The following HIF3A variants were observed in gnomAD, a reference collection of about 807,000 sequenced individuals.
The protein encoded by HIF3A is hypoxia-inducible factor 3-alpha.
Under a neutral mutation model 67.2 loss-of-function variants are expected in HIF3A, and 41 were observed. The observed-to-expected ratio is 0.61, with a 90% CI of 0.48 to 0.79. HIF3A has a LOEUF of 0.79. Among genes scored for constraint, HIF3A ranks in the 30% least tolerant of loss-of-function variants. The probability of loss-of-function intolerance (pLI) is 0.00; values close to 1 mark genes in which losing one functional copy is unlikely to be tolerated. For synonymous variants in HIF3A, 356 were observed against 374.8 expected (o/e 0.95, Z 0.58); for missense variants, 855 against 898.0 (o/e 0.95, Z 0.61).
chr19:46,331,624 G>A (rs541526381), intron 13 of HIF3A: 22 of 160,534 alleles, frequency 1.4e-4, no homozygotes, highest in Admixed American at 1.3e-3. Context: ...GGGAGGCCGA[G>A]GCAGGTGGAT....
At chr19:46,328,649 C>G (rs977271571) in intron 11 of HIF3A, among the ~76,000 whole-genome samples, 2 of 152,160 alleles carry the variant, frequency 1.3e-5, no homozygotes, top group African/African-American at 2.4e-5. Context: ...TGATATGTTT[C>G]TCACTTCTCT....
intron 9 of HIF3A, among the ~76,000 whole-genome samples, chr19:46,321,303 G>A (rs1240595824): frequency 6.6e-6 from 1 of 152,184 alleles, no homozygotes; most frequent in Non-Finnish European, 1.5e-5. Context: ...TCACACCTGG[G>A]CTGGGAGCAG....
chr19:46,338,108 A>G (rs909519333), intron 14 of HIF3A: 5 of 439,630 alleles, frequency 1.1e-5, no homozygotes, highest in African/African-American at 8.1e-5. Flanking sequence ...TGTCGGTCCC[A>G]TAAGGGCAGG....
Position 46,341,869 on chromosome 19 carries a change from C to G in HIF3A, c.*2247C>G, listed in dbSNP as rs1185706635. The G allele has an allele frequency of 6.6e-6, 1 of 151,972 alleles. No homozygotes were observed. The highest frequency in any genetic ancestry group is 2.4e-5 in the African/African-American group (1 of 41,332). 9.4% of individuals were successfully genotyped at this position (151,972 alleles called of 1,614,324 possible). A position where few individuals can be genotyped will look rare whatever the true frequency, so the allele number is the denominator to read the frequency against. ...AAGTTGGAGGGGCTGGTCTTGAACTCTTGACCTCAGATGATCCACCCGCCT... is the reference window on the plus strand; with the variant it reads ...AAGTTGGAGGGGCTGGTCTTGAACTGTTGACCTCAGATGATCCACCCGCCT... On this transcript the variant is annotated 3_prime_UTR_variant, in exon 15 of 15. Coordinates refer to ENST00000377670, the MANE Select transcript of HIF3A (RefSeq NM_152795.4).
chr19:46,339,149 C>T (rs1160432614), intron 14 of HIF3A, among the ~76,000 whole-genome samples: 1 of 152,130 alleles, frequency 6.6e-6, no homozygotes, highest in Admixed American at 6.6e-5. Context: ...CTTTCTAACT[C>T]ATCACAGACA....
intron 9 of HIF3A, among the ~76,000 whole-genome samples, chr19:46,320,877 C>G (rs1228732203): frequency 6.6e-6 from 1 of 152,178 alleles, no homozygotes; most frequent in Non-Finnish European, 1.5e-5. Context: ...TCCACATTGC[C>G]CCCACGCTTC....
intron 12 of HIF3A, among the ~76,000 whole-genome samples, chr19:46,330,298 T>C (rs1240785509): frequency 2.0e-5 from 3 of 152,012 alleles, no homozygotes; most frequent in African/African-American, 7.2e-5. Context: ...GATGCATAGG[T>C]CGATGGAAGG....
intron 14 of HIF3A, among the ~76,000 whole-genome samples, chr19:46,336,676 C>T (rs530434551): frequency 7.2e-5 from 11 of 152,134 alleles, no homozygotes; most frequent in Middle Eastern, 3.4e-3. Context: ...CGTGAGCCAC[C>T]GCACCAGGCC....
chr19:46,339,746 C>G lies in HIF3A; in HGVS notation c.*124C>G. ...GGGCCCCTCTCTCCTCTATGTACCCCCTGCCCACCTCGGGCCTACCTCAGC... is the reference window on the plus strand; with the variant it reads ...GGGCCCCTCTCTCCTCTATGTACCCGCTGCCCACCTCGGGCCTACCTCAGC... On this transcript the variant is annotated 3_prime_UTR_variant, in exon 15 of 15. Coordinates refer to ENST00000377670, the MANE Select transcript of HIF3A (RefSeq NM_152795.4). 1 of 562,380 alleles carries G rather than the reference C, an allele frequency of 1.8e-6. No individual in the cohort carries two copies. Among genetic ancestry groups the G allele is most frequent in the Middle Eastern group, 4.9e-4 (1 of 2,046 alleles). 34.8% of individuals were successfully genotyped at this position (562,380 alleles called of 1,614,324 possible).
intron 8 of HIF3A, 157 bp downstream of exon 8, chr19:46,312,810 T>C: frequency 7.4e-7 from 1 of 1,357,700 alleles, no homozygotes; most frequent in Non-Finnish European, 9.4e-7. Flanking sequence ...ATGAGGAATG[T>C]GTGTCACCAT....
chr19:46,333,523 A>G (rs1971386605), intron 13 of HIF3A, among the ~76,000 whole-genome samples: 1 of 152,088 alleles, frequency 6.6e-6, no homozygotes, highest in African/African-American at 2.4e-5. Flanking sequence ...GCTAACCAAC[A>G]GGATCACACG....
chr19:46,330,776 GTGGA>G (rs111371861), intron 12 of HIF3A, among the ~76,000 whole-genome samples: 132 of 145,174 alleles, frequency 9.1e-4, no homozygotes, highest in East Asian at 3.4e-3. Flanking sequence ...GGGTGGATCA[GTGGA>G]TGGATGGATG....
intron 10 of HIF3A, among the ~76,000 whole-genome samples, chr19:46,325,121 C>T (rs910446111): frequency 1.3e-5 from 2 of 150,962 alleles, no homozygotes; most frequent in Admixed American, 6.6e-5. Flanking sequence ...CTCAGCCTCC[C>T]TAGTAGCTAG....
At chr19:46,302,119 CTTTT>C (rs60192701) in intron 1 of HIF3A, among the ~76,000 whole-genome samples, 1 of 151,248 alleles carries the variant, frequency 6.6e-6, no homozygotes, top group Non-Finnish European at 1.5e-5. Flanking sequence ...TGTTTTTTGT[CTTTT>C]TTTTGTTTTT....
rs140829009 is a variant in HIF3A at position 46,329,471 on chromosome 19, C to A, written c.1705C>A (p.Arg569=). The A allele has an allele frequency of 2.0e-6, 3 of 1,515,470 alleles. No homozygotes were observed. The African/African-American group carries it at 4.2e-5, about 21-fold the overall frequency. 93.9% of individuals were successfully genotyped at this position (1,515,470 alleles called of 1,614,324 possible). ...AGCATCCTCTCCCATGGCTGGGGCTCGGAAGAGGTGAGCCACAGTAAAGGG... is the reference window on the plus strand; with the variant it reads ...AGCATCCTCTCCCATGGCTGGGGCTAGGAAGAGGTGAGCCACAGTAAAGGG... The part of the protein sequence containing the change: ...PSASSPMAGA[R]KRTLAQSSED... Residue 569 remains arginine (R), a synonymous_variant, in exon 12 of 15, where the codon CGG becomes AGG. Transcript: ENST00000377670.
At chr19:46,326,515 G>A (rs1338846699) in intron 11 of HIF3A, among the ~76,000 whole-genome samples, 2 of 152,104 alleles carry the variant, frequency 1.3e-5, no homozygotes, top group Admixed American at 1.3e-4. Flanking sequence ...AATGATTGAT[G>A]TCTCTCCCTC....
chr19:46,297,113 T>C lies in HIF3A; in HGVS notation c.26+11T>C. ...GCTGCAGCGCGCAAGGTACTGAAGT[T>C]CGGGGGCAGGAGTTCTGGGAATTGG... On this transcript the variant is annotated intron_variant, in intron 1 of 14. Coordinates refer to ENST00000377670, the MANE Select transcript of HIF3A (RefSeq NM_152795.4). This position sits in a 1 kb window ranked among gnomAD's most constrained non-coding sequence, Gnocchi z 4.5. 8.9e-7 allele frequency: 1 copy of C among 1,126,612 alleles called. No homozygotes were observed. The highest frequency in any genetic ancestry group is 5.0e-5 in the East Asian group (1 of 20,026). The allele number at this position is 1,126,612 out of a possible 1,614,324, so 69.8% of individuals were successfully genotyped here.
rs1168992606 is a variant in HIF3A at position 46,338,511 on chromosome 19, GT to G, written c.1913-1010del. The G allele has an allele frequency of 1.8e-4, 209 of 1,143,940 alleles. 4 individuals are homozygous for G. The highest frequency in any genetic ancestry group is 7.6e-6 in the Non-Finnish European group (7 of 921,698). 70.9% of individuals were successfully genotyped at this position (1,143,940 alleles called of 1,614,324 possible). ...AACCACCACGCCCGACAGTAAATAT[GT>G]TTTGAATGAATAAACTCTCATAAAT... is the stretch of plus-strand genomic sequence containing the variant. On this transcript the variant is annotated intron_variant, in intron 14 of 14. Coordinates refer to ENST00000377670, the MANE Select transcript of HIF3A (RefSeq NM_152795.4).
At chr19:46,329,159 C>T (rs1970998594) in intron 11 of HIF3A, 48 bp from the exon 12 acceptor site, 2 of 1,525,274 alleles carry the variant, frequency 1.3e-6, no homozygotes, top group South Asian at 1.3e-5. Flanking sequence ...AGCCAAGGTC[C>T]ACCCAAGTCC....
Sources: allele counts gnomAD v4.1 joint callset (sites outside exome capture counted in the v4.1 genomes callset), GRCh38; gene constraint gnomAD v4.1.1; non-coding constraint Gnocchi (gnomAD v3.1); transcripts MANE v1.5; gene names NCBI Gene and HGNC (gene_info 2026-07-23, HGNC 2026-07-21).